The following EIF1AY variants were observed in gnomAD, a reference collection of about 807,000 sequenced individuals.
The protein encoded by EIF1AY is eukaryotic translation initiation factor 1A, Y-chromosomal.
For synonymous variants in EIF1AY, 16 were observed against 9.9 expected, an observed-to-expected ratio of 1.62 and a Z score of -1.16; for missense variants, 19 against 30.6, an observed-to-expected ratio of 0.62 and a Z score of 0.89.
intron 3 of EIF1AY, among the ~76,000 whole-genome samples, chrY:20,583,903 CTT>C (rs2089352730): frequency 3.0e-5 from 1 of 33,002 alleles, no homozygotes; most frequent in Non-Finnish European, 7.4e-5. Flanking sequence ...ATTTTAAACT[CTT>C]GAGTAATTGA....
chrY:20,583,394 T>A, intron 3 of EIF1AY, among the ~76,000 whole-genome samples: 1 of 31,394 alleles, frequency 3.2e-5, no homozygotes, highest in South Asian at 7.4e-4. Flanking sequence ...AAAAAAAAAA[T>A]CTTTCTGGTA....
chrY:20,584,192 G>T, intron 3 of EIF1AY, among the ~76,000 whole-genome samples: 1 of 31,074 alleles, frequency 3.2e-5, no homozygotes, highest in South Asian at 7.4e-4. Flanking sequence ...TAGTTGGCAG[G>T]CACATGCCAC....
At chrY:20,584,812 CA>C (rs2089353566) in intron 4 of EIF1AY, among the ~76,000 whole-genome samples, 6 of 33,691 alleles carry the variant, frequency 1.8e-4, no homozygotes, top group African/African-American at 6.9e-4. Flanking sequence ...TATTTTCTTG[CA>C]GGCTTGGGCA....
intron 2 of EIF1AY, among the ~76,000 whole-genome samples, chrY:20,581,847 G>A (rs1026918403): frequency 6.0e-5 from 2 of 33,468 alleles, no homozygotes; most frequent in East Asian, 7.8e-4. Context: ...GTGTACAGTC[G>A]TGAAAACAAC....
chrY:20,582,438 T>C, intron 2 of EIF1AY, 152 bp from the exon 3 acceptor site: 1 of 145,372 alleles, frequency 6.9e-6, no homozygotes, highest in Admixed American at 1.1e-4. Flanking sequence ...CTCAAACTCC[T>C]GACCTCAGGC....
At position 20,575,780 on chromosome Y, in the gene EIF1AY, A is replaced by T; in HGVS notation, c.-92A>T. ...GCTCTGTAGCCAGCCTCTTCTGCGC[A>T]CCCACCTGCTGCATCTTAGTTCAGT... On this transcript the variant is annotated 5_prime_UTR_variant, in exon 1 of 7. Coordinates refer to ENST00000361365, the MANE Select transcript of EIF1AY (RefSeq NM_004681.4). The T allele has an allele frequency of 3.4e-6, 1 of 293,150 alleles. No individual in the cohort carries two copies. Among genetic ancestry groups the T allele is most frequent in the Non-Finnish European group, 5.2e-6 (1 of 194,148 alleles). 73.1% of individuals were successfully genotyped at this position (293,150 alleles called of 400,897 possible). A position where few individuals can be genotyped will look rare whatever the true frequency, so the allele number is the denominator to read the frequency against.
At chrY:20,590,366 G>A (rs907287712) in intron 6 of EIF1AY, among the ~76,000 whole-genome samples, 2 of 32,284 alleles carry the variant, frequency 6.2e-5, no homozygotes, top group Non-Finnish European at 1.5e-4. Context: ...TCCAGCGGGC[G>A]TGGTGGCTCA....
chrY:20,585,259 A>G, intron 4 of EIF1AY, among the ~76,000 whole-genome samples: 2 of 33,568 alleles, frequency 6.0e-5, no homozygotes, highest in African/African-American at 2.3e-4. Context: ...AAAGTTTTAT[A>G]GTTTGGTAGT....
Position 20,579,627 on chromosome Y carries a change from G to A in EIF1AY, c.36G>A (p.Arg12=). The A allele has an allele frequency of 2.6e-6, 1 of 382,463 alleles. No individual in the cohort carries two copies. The highest frequency in any genetic ancestry group is 3.2e-5 in the South Asian group (1 of 31,182). The change falls in exon 2 of 7, where the codon AGG becomes AGA. Residue 12 remains arginine, a synonymous_variant. Coordinates refer to ENST00000361365, the MANE Select transcript of EIF1AY (RefSeq NM_004681.4). ...PKNKGKGGKN[R]RRGKNENESE... is the part of the protein sequence containing the mutation. ...AATTAGGTAAAGGAGGTAAAAACAG[G>A]CGCAGGGGTAAAAATGAGAATGAAT...
chrY:20,575,919 G>A, intron 1 of EIF1AY, 32 bp downstream of exon 1: 1 of 375,090 alleles, frequency 2.7e-6, no homozygotes, highest in South Asian at 3.2e-5. Flanking sequence ...ACTATACCTC[G>A]GCTTGCTCTG....
At chrY:20,576,710 ACT>A (rs2089347036) in intron 1 of EIF1AY, among the ~76,000 whole-genome samples, 1 of 33,042 alleles carries the variant, frequency 3.0e-5, no homozygotes, top group Non-Finnish European at 7.4e-5. Context: ...GTCCACAAAA[ACT>A]CTGTTTAGAT....
At chrY:20,587,410 T>A in intron 4 of EIF1AY, 1 of 32,515 alleles carries the variant, frequency 3.1e-5, no homozygotes. Flanking sequence ...TGCCTCAGCC[T>A]CCTGAGTAGC....
At chrY:20,587,520 C>T in intron 4 of EIF1AY, 1 of 33,661 alleles carries the variant, frequency 3.0e-5, no homozygotes, top group African/African-American at 1.2e-4. Context: ...GATCTCCTGA[C>T]CTCATGATCC....
chrY:20,578,132 T>G (rs1020579123), intron 1 of EIF1AY, among the ~76,000 whole-genome samples: 2 of 33,548 alleles, frequency 6.0e-5, no homozygotes, highest in Non-Finnish European at 1.5e-4. Flanking sequence ...TGTTGTTGTT[T>G]TTTTCGTTTG....
chrY:20,587,856 C>A, intron 4 of EIF1AY, 168 bp from the exon 5 acceptor site: 3 of 127,446 alleles, frequency 2.4e-5, no homozygotes, highest in Non-Finnish European at 4.6e-5. Context: ...TATTCAGACT[C>A]AAGAATTTTT....
intron 2 of EIF1AY, among the ~76,000 whole-genome samples, chrY:20,581,286 G>A (rs2089350471): frequency 9.1e-5 from 3 of 33,071 alleles, no homozygotes; most frequent in Admixed American, 2.8e-4. Flanking sequence ...CTGGATTTTT[G>A]TAAAATGGAT....
Position 20,579,618 on chromosome Y carries a change from T to C in EIF1AY, c.27T>C (p.Gly9=), listed in dbSNP as rs778477420. The C allele has an allele frequency of 5.3e-6, 2 of 377,555 alleles. No individual in the cohort carries two copies. The highest frequency in any genetic ancestry group is 1.9e-4 in the East Asian group (2 of 10,290). 94.2% of individuals were successfully genotyped at this position (377,555 alleles called of 400,897 possible). A position where few individuals can be genotyped will look rare whatever the true frequency, so the allele number is the denominator to read the frequency against. The change falls in exon 2 of 7, where the codon GGT becomes GGC. Residue 9 remains glycine, a synonymous_variant. Coordinates refer to ENST00000361365, the MANE Select transcript of EIF1AY (RefSeq NM_004681.4). ...CTTTTAATTAATTAGGTAAAGGAGG[T>C]AAAAACAGGCGCAGGGGTAAAAATG... MPKNKGKG[G]KNRRRGKNEN... is the part of the protein sequence containing the mutation.
intron 6 of EIF1AY, among the ~76,000 whole-genome samples, chrY:20,591,822 G>C: frequency 3.0e-5 from 1 of 33,040 alleles, no homozygotes; most frequent in Non-Finnish European, 7.5e-5. Context: ...CTCAGGGAGT[G>C]GGGGGGAGTA....
intron 3 of EIF1AY, among the ~76,000 whole-genome samples, chrY:20,583,530 A>G: frequency 3.0e-5 from 1 of 33,651 alleles, no homozygotes; most frequent in South Asian, 6.5e-4. Flanking sequence ...GGAGAAAGAG[A>G]AATCTATTTA....
Sources: allele counts gnomAD v4.1 joint callset (sites outside exome capture counted in the v4.1 genomes callset), GRCh38; gene constraint gnomAD v4.1.1; transcripts MANE v1.5; gene names NCBI Gene and HGNC (gene_info 2026-07-23, HGNC 2026-07-21).